Variants in ITPR1 observed in about 807,000 individuals in gnomAD.
ITPR1 encodes the protein inositol 1,4,5-trisphosphate-gated calcium channel ITPR1.
A neutral mutation model predicts 318.4 loss-of-function variants in ITPR1; 96 were observed. The ratio of observed to expected loss-of-function variants is 0.30; its 90% confidence interval spans 0.26 to 0.36. ITPR1 has a LOEUF of 0.36. Ranked by LOEUF, ITPR1 falls within the 10% of genes least tolerant of loss-of-function variation. The probability of loss-of-function intolerance (pLI) is 1.00; values close to 1 mark genes in which losing one functional copy is unlikely to be tolerated. For synonymous variants in ITPR1, 1,312 were observed against 1,289.9 expected (o/e 1.02, Z -0.37); for missense variants, 2,440 against 3,460.2 (o/e 0.71, Z 7.40).
At chr3:4,568,727 G>A (rs928821317) in intron 4 of ITPR1, among the ~76,000 whole-genome samples, 2 of 152,212 alleles carry the variant, frequency 1.3e-5, no homozygotes, top group Non-Finnish European at 2.9e-5. Context: ...GAGGGAGCCA[G>A]GTGTCAGGCG....
At chr3:4,653,984 C>G (rs528412460) in intron 12 of ITPR1, 98 bp downstream of exon 12, 1 of 847,358 alleles carries the variant, frequency 1.2e-6, no homozygotes, top group South Asian at 1.6e-5. Context: ...TCACGGAGTG[C>G]TGGGGAAGGA....
intron 4 of ITPR1, among the ~76,000 whole-genome samples, chr3:4,524,272 C>T (rs562799713): frequency 1.4e-5 from 2 of 138,330 alleles, no homozygotes; most frequent in Non-Finnish European, 3.1e-5. Flanking sequence ...CCAAAGCATT[C>T]CTTCAACTGC....
intron 40 of ITPR1, among the ~76,000 whole-genome samples, chr3:4,718,999 A>T (rs763044063): frequency 2.6e-5 from 4 of 152,196 alleles, no homozygotes; most frequent in Non-Finnish European, 5.9e-5. Flanking sequence ...GGAAAGGAAA[A>T]CCTTCCCTAA....
intron 4 of ITPR1, among the ~76,000 whole-genome samples, chr3:4,606,808 G>A (rs754809569): frequency 1.3e-5 from 2 of 152,082 alleles, no homozygotes; most frequent in Admixed American, 6.5e-5. Context: ...TTCCTTTTTG[G>A]CATAATAAAT....
intron 51 of ITPR1, among the ~76,000 whole-genome samples, chr3:4,786,553 A>G (rs1348073339): frequency 6.6e-6 from 1 of 152,202 alleles, no homozygotes; most frequent in African/African-American, 2.4e-5. Flanking sequence ...CCTGGGCCTC[A>G]CCTGACTTCT....
intron 52 of ITPR1, among the ~76,000 whole-genome samples, chr3:4,789,763 G>A (rs772399384): frequency 2.3e-4 from 35 of 152,256 alleles, no homozygotes; most frequent in Non-Finnish European, 1.0e-4. Flanking sequence ...GAGATTACAG[G>A]CACATGCCAC....
At chr3:4,830,451 A>G (rs977133870) in intron 60 of ITPR1, among the ~76,000 whole-genome samples, 3 of 152,100 alleles carry the variant, frequency 2.0e-5, no homozygotes, top group East Asian at 1.9e-4. Context: ...TTCCTCTTCA[A>G]TGAAAATAAT....
Position 4,840,859 on chromosome 3 carries a change from T to TA in ITPR1, c.8190+3925dup, listed in dbSNP as rs1559993027. Reference sequence around the variant, plus strand: ...TTTCTTCATAATGCAAAAGAGCAAATACTAAGAAGGGCTAACTTTCTTGAA... The same window carrying TA: ...TTTCTTCATAATGCAAAAGAGCAAATAACTAAGAAGGGCTAACTTTCTTGAA... On this transcript the variant is annotated intron_variant, in intron 61 of 61. Transcript: ENST00000649015. Among the ~76,000 whole-genome samples the TA allele has an allele frequency of 2.6e-5, 4 of 152,296 alleles. No homozygotes were observed. In the East Asian group the frequency reaches 7.7e-4, roughly 29 times the overall value.
chr3:4,773,404 G>C (rs2046307130), intron 46 of ITPR1, among the ~76,000 whole-genome samples: 1 of 152,182 alleles, frequency 6.6e-6, no homozygotes, highest in Non-Finnish European at 1.5e-5. Context: ...TGAGAGACAG[G>C]TGTTATAAGA....
In ITPR1 at chr3:4,753,633, T is replaced by G. The variant is rs1350737795; in HGVS notation, c.5545-12897T>G. 3.9e-5 allele frequency among the ~76,000 whole-genome samples: 6 copies of G among 152,040 alleles called. No individual in the cohort carries two copies. In the South Asian group the frequency reaches 8.3e-4, roughly 21 times the overall value. On this transcript the variant is annotated intron_variant, in intron 44 of 61. Coordinates refer to ENST00000649015, the MANE Select transcript of ITPR1 (RefSeq NM_001378452.1). ...GGGAAGGACTAGGGTTGACTGGGGG[T>G]GACTGCAGTCTTCATCAAGGAGGCA...
At chr3:4,762,988 A>G (rs1242659104) in intron 44 of ITPR1, among the ~76,000 whole-genome samples, 1 of 152,236 alleles carries the variant, frequency 6.6e-6, no homozygotes, top group Non-Finnish European at 1.5e-5. Context: ...TACATAAACT[A>G]TGCAGCCATA....
chr3:4,557,532 G>C (rs1412136200), intron 4 of ITPR1, among the ~76,000 whole-genome samples: 1 of 152,148 alleles, frequency 6.6e-6, no homozygotes, highest in African/African-American at 2.4e-5. Flanking sequence ...GGTTGGCCAT[G>C]ATAATTCCCT....
At chr3:4,833,483 T>C (rs1313194063) in intron 60 of ITPR1, among the ~76,000 whole-genome samples, 2 of 152,212 alleles carry the variant, frequency 1.3e-5, no homozygotes, top group Admixed American at 6.5e-5. Context: ...TTCGCTAACA[T>C]TTTAGGCAGT....
chr3:4,600,032 T>C (rs1260387185), intron 4 of ITPR1, among the ~76,000 whole-genome samples: 1 of 152,218 alleles, frequency 6.6e-6, no homozygotes, highest in African/African-American at 2.4e-5. Context: ...ATCGCTGTTA[T>C]TTGCATTTCC....
chr3:4,725,172 A>T (rs933440390), intron 40 of ITPR1, among the ~76,000 whole-genome samples: 1 of 151,820 alleles, frequency 6.6e-6, no homozygotes, highest in Non-Finnish European at 1.5e-5. Flanking sequence ...GCCTCCGTGG[A>T]CACGCATACT....
chr3:4,789,578 A>C (rs1459673228), intron 52 of ITPR1, among the ~76,000 whole-genome samples: 1 of 150,728 alleles, frequency 6.6e-6, no homozygotes, highest in East Asian at 2.0e-4. Flanking sequence ...TTCCAGCTTT[A>C]GGGAATAATC....
chr3:4,684,212 C>G, intron 28 of ITPR1, 69 bp from the exon 29 acceptor site: 2 of 997,768 alleles, frequency 2.0e-6, no homozygotes, highest in Non-Finnish European at 1.6e-6. Flanking sequence ...AAGGTCGATG[C>G]TAACTGTAAA....
chr3:4,705,284 A>G (rs368382228), intron 36 of ITPR1, among the ~76,000 whole-genome samples: 4 of 152,164 alleles, frequency 2.6e-5, no homozygotes, highest in African/African-American at 9.7e-5. Context: ...TAGCAAGGGT[A>G]ATACAGAGAG....
At chr3:4,796,372 G>C (rs1176246591) in intron 53 of ITPR1, among the ~76,000 whole-genome samples, 4 of 151,900 alleles carry the variant, frequency 2.6e-5, no homozygotes, top group South Asian at 2.1e-4. Flanking sequence ...CTAGAACCCA[G>C]AGCTGCAAGG....
Sources: gnomAD v4.1 joint callset for allele counts (sites outside exome capture counted in the v4.1 genomes callset) on GRCh38, gnomAD v4.1.1 for gene constraint, MANE v1.5 for transcripts, NCBI Gene and HGNC (gene_info 2026-07-23, HGNC 2026-07-21) for gene names.